Variants in CAMTA1 observed in about 807,000 individuals in gnomAD.
CAMTA1 encodes calmodulin binding transcription activator 1, also known as calmodulin-binding transcription activator 1.
Under a neutral mutation model 170.9 loss-of-function variants are expected in CAMTA1, and 27 were observed. The observed-to-expected ratio is 0.16, with a 90% confidence interval of 0.12 to 0.22. The LOEUF (loss-of-function observed/expected upper bound fraction) is 0.22, where lower values mean the gene tolerates loss of function less well. CAMTA1 is among the 10% of genes least tolerant of loss of function. The probability of loss-of-function intolerance (pLI) is 1.00; values close to 1 mark genes in which losing one functional copy is unlikely to be tolerated. For missense variants in CAMTA1, 1,619 were observed against 2,217.2 expected (o/e 0.73, Z 5.42); for synonymous variants, 833 against 891.5 (o/e 0.93, Z 1.17).
intron 3 of CAMTA1, among the ~76,000 whole-genome samples, chr1:7,078,647 G>A (rs1359357870): frequency 1.3e-5 from 2 of 152,162 alleles, no homozygotes; most frequent in Non-Finnish European, 1.5e-5. Context: ...GAATAACTAG[G>A]ACTAGATTCA....
At chr1:7,515,214 G>C (rs1223147580) in intron 6 of CAMTA1, among the ~76,000 whole-genome samples, 1 of 152,190 alleles carries the variant, frequency 6.6e-6, no homozygotes, top group Non-Finnish European at 1.5e-5. Flanking sequence ...CTCCACCTGG[G>C]ATCATCCCAG....
intron 5 of CAMTA1, among the ~76,000 whole-genome samples, chr1:7,437,472 C>T (rs1284067669): frequency 2.0e-5 from 3 of 152,182 alleles, no homozygotes; most frequent in Admixed American, 6.5e-5. Flanking sequence ...GTGTTCGTGT[C>T]TGTGCCCACA....
Position 7,474,819 on chromosome 1 carries a change from G to A in CAMTA1, c.510+6918G>A, listed in dbSNP as rs569637094. 3.3e-5 allele frequency among the ~76,000 whole-genome samples: 5 copies of A among 152,342 alleles called. No homozygotes were observed. In the East Asian group the frequency reaches 9.7e-4, roughly 29 times the overall value. On this transcript the variant is annotated intron_variant, in intron 6 of 22. Coordinates refer to ENST00000303635, the MANE Select transcript of CAMTA1 (RefSeq NM_015215.4). The stretch of plus-strand genomic sequence containing the variant: ...GACTTGATGTCTATTTGGAGAATGA[G>A]CAGCTCTTTGGCAACCCAAGTGTCT...
chr1:7,197,677 C>CACACACAA (rs1655812874), intron 4 of CAMTA1, among the ~76,000 whole-genome samples: 1 of 142,660 alleles, frequency 7.0e-6, no homozygotes, highest in Non-Finnish European at 1.5e-5. Flanking sequence ...CACACACACA[C>CACACACAA]AATCTACTTG....
chr1:7,467,717 G>C (rs1575480473), intron 5 of CAMTA1, 113 bp from the exon 6 acceptor site: 1 of 963,222 alleles, frequency 1.0e-6, no homozygotes, highest in East Asian at 2.4e-5. Flanking sequence ...CGGTCTCCCT[G>C]GGCCGCTGCC....
chr1:7,012,198 T>C (rs1699900562), intron 3 of CAMTA1, among the ~76,000 whole-genome samples: 2 of 152,096 alleles, frequency 1.3e-5, no homozygotes, highest in African/African-American at 4.8e-5. Flanking sequence ...GTGGTCCCCG[T>C]CCACGCTTCC....
intron 3 of CAMTA1, among the ~76,000 whole-genome samples, chr1:7,084,907 A>T (rs369874245): frequency 6.6e-6 from 1 of 152,084 alleles, no homozygotes. Context: ...TCTCTTGGAT[A>T]TATTGGGTTA....
At chr1:6,984,306 T>C (rs1695005151) in intron 3 of CAMTA1, among the ~76,000 whole-genome samples, 1 of 152,006 alleles carries the variant, frequency 6.6e-6, no homozygotes, top group African/African-American at 2.4e-5. Flanking sequence ...GGTTTCTTTC[T>C]TTTCATGGAG....
At chr1:7,314,110 T>C (rs1202750213) in intron 5 of CAMTA1, among the ~76,000 whole-genome samples, 1 of 152,226 alleles carries the variant, frequency 6.6e-6, no homozygotes, top group Non-Finnish European at 1.5e-5. Context: ...ACAACTCAGT[T>C]ACCAGCAAGT....
Position 7,597,469 on chromosome 1 carries a change from C to G in CAMTA1, c.511-42931C>G, listed in dbSNP as rs138161132. 8.3e-3 allele frequency among the ~76,000 whole-genome samples: 1,257 copies of G among 152,304 alleles called. 20 individuals carry two copies. Among genetic ancestry groups the G allele is most frequent in the African/African-American group, 0.029 (1,187 of 41,548 alleles). On this transcript the variant is annotated intron_variant, in intron 6 of 22. Transcript: ENST00000303635. The stretch of plus-strand genomic sequence containing the variant: ...GAGAGCTTGGCCCTGAACTTCGCAA[C>G]CCCTGAGTATTCCATAGGGTTGCTG...
intron 6 of CAMTA1, among the ~76,000 whole-genome samples, chr1:7,542,872 TGTGTGTG>T (rs1415520305): frequency 0.025 from 3,699 of 146,252 alleles, 176 homozygotes; most frequent in African/African-American, 0.089. Flanking sequence ...TGTGTGTGTG[TGTGTGTG>T]TTTGAGCCGG....
chr1:7,513,544 T>G (rs1386503770), intron 6 of CAMTA1, among the ~76,000 whole-genome samples: 1 of 152,120 alleles, frequency 6.6e-6, no homozygotes, highest in East Asian at 1.9e-4. Flanking sequence ...TTGCTGCAAT[T>G]CCTTGGCTGT....
At chr1:7,388,351 C>G (rs1015118127) in intron 5 of CAMTA1, 2 of 152,188 alleles carry the variant, frequency 1.3e-5, no homozygotes, top group Non-Finnish European at 2.9e-5. Flanking sequence ...GGAGAGGAGC[C>G]TCTCTTCTGG....
intron 11 of CAMTA1, among the ~76,000 whole-genome samples, chr1:7,699,532 C>G (rs1051719899): frequency 2.6e-5 from 4 of 152,136 alleles, no homozygotes; most frequent in African/African-American, 9.7e-5. Context: ...GGATATATAC[C>G]TAGGAATGGA....
chr1:7,375,522 A>G (rs2086779653), intron 5 of CAMTA1, among the ~76,000 whole-genome samples: 1 of 152,148 alleles, frequency 6.6e-6, no homozygotes, highest in Non-Finnish European at 1.5e-5. Flanking sequence ...GTTGGCAGAG[A>G]AAGGAAAAAA....
rs547549849 is a variant in CAMTA1 at position 7,639,221 on chromosome 1, C to T, written c.511-1179C>T. On this transcript the variant is annotated intron_variant, in intron 6 of 22. Coordinates refer to ENST00000303635, the MANE Select transcript of CAMTA1 (RefSeq NM_015215.4). ...GTCTCGATCTTCTGACCTCGTGATC[C>T]GCCTGCCTCAGCCTCCCAAAGTCCT... is the stretch of plus-strand genomic sequence containing the variant. Among the ~76,000 whole-genome samples, 16 of 152,262 alleles carry T rather than the reference C, an allele frequency of 1.1e-4. 1 individual carries two copies. The South Asian group carries it at 3.1e-3, about 30-fold the overall frequency.
intron 6 of CAMTA1, among the ~76,000 whole-genome samples, chr1:7,582,459 TGA>T (rs977401315): frequency 4.6e-5 from 7 of 152,130 alleles, no homozygotes; most frequent in Admixed American, 1.3e-4. Context: ...GGTTCAGCTG[TGA>T]GTGGCAGAAA....
chr1:7,637,084 T>A (rs2095717702), intron 6 of CAMTA1, among the ~76,000 whole-genome samples: 1 of 152,220 alleles, frequency 6.6e-6, no homozygotes, highest in Non-Finnish European at 1.5e-5. Context: ...CAGAGCTTCC[T>A]GAGATAGCAG....
At chr1:7,075,164 G>C (rs541374138) in intron 3 of CAMTA1, among the ~76,000 whole-genome samples, 111 of 152,166 alleles carry the variant, frequency 7.3e-4, no homozygotes, top group Middle Eastern at 3.4e-3. Flanking sequence ...TCACAACTTT[G>C]GTCATAATTC....
Sources: gnomAD v4.1 joint callset for allele counts (sites outside exome capture counted in the v4.1 genomes callset) on GRCh38, gnomAD v4.1.1 for gene constraint, MANE v1.5 for transcripts, NCBI Gene and HGNC (gene_info 2026-07-23, HGNC 2026-07-21) for gene names.